GRM7: variants seen among roughly 807,000 people sequenced by gnomAD.
The protein encoded by GRM7 is glutamate metabotropic receptor 7.
GRM7 carries 35 observed loss-of-function variants against 84.5 expected under a neutral mutation model. The ratio of observed to expected loss-of-function variants is 0.41; its 90% confidence interval spans 0.32 to 0.55. The LOEUF is 0.55. GRM7 is among the 20% of genes least tolerant of loss of function. The pLI is 0.19. For synonymous variants in GRM7, 487 were observed against 455.1 expected, an observed-to-expected ratio of 1.07 and a Z score of -0.89; for missense variants, 1,003 against 1,194.6, an observed-to-expected ratio of 0.84 and a Z score of 2.36.
At chr3:6,937,337 T>C (rs1697728259) in intron 1 of GRM7, among the ~76,000 whole-genome samples, 1 of 152,180 alleles carries the variant, frequency 6.6e-6, no homozygotes, top group African/African-American at 2.4e-5. Context: ...AGCAAGTGCT[T>C]TGAGAAAGAA....
intron 1 of GRM7, among the ~76,000 whole-genome samples, chr3:7,106,254 C>T (rs1173423067): frequency 6.9e-6 from 1 of 145,070 alleles, no homozygotes; most frequent in Non-Finnish European, 1.5e-5. Context: ...GGAACAACTT[C>T]AATAAAGCAA....
chr3:7,029,308 A>C, intron 1 of GRM7, among the ~76,000 whole-genome samples: 1 of 110,274 alleles, frequency 9.1e-6, no homozygotes, highest in East Asian at 2.6e-4. Flanking sequence ...CCTCAAAAAA[A>C]AAAAAACAAA....
At chr3:7,495,746 C>T (rs1362655642) in intron 7 of GRM7, among the ~76,000 whole-genome samples, 4 of 152,190 alleles carry the variant, frequency 2.6e-5, no homozygotes, top group African/African-American at 9.6e-5. Context: ...CCTTGAACGT[C>T]TTCTGTTGCT....
chr3:7,064,517 T>TACACATATATATATATATAC (rs1559415578), intron 1 of GRM7, among the ~76,000 whole-genome samples: 11 of 111,868 alleles, frequency 9.8e-5, no homozygotes, highest in Admixed American at 4.7e-4. Flanking sequence ...TATATATATA[T>TACACATATATATATATATAC]ACACACACAC....
intron 1 of GRM7, among the ~76,000 whole-genome samples, chr3:6,904,207 A>G (rs1696489304): frequency 6.6e-6 from 1 of 152,076 alleles, no homozygotes. Flanking sequence ...TGAAATCACA[A>G]AGATATTTGT....
intron 9 of GRM7, among the ~76,000 whole-genome samples, chr3:7,696,061 G>C (rs75493174): frequency 6.6e-6 from 1 of 152,102 alleles, no homozygotes; most frequent in Non-Finnish European, 1.5e-5. Context: ...AAATTAAATA[G>C]CACTGAGCCA....
intron 1 of GRM7, among the ~76,000 whole-genome samples, chr3:6,901,302 TAAG>T (rs1696371407): frequency 6.6e-6 from 1 of 152,116 alleles, no homozygotes; most frequent in East Asian, 1.9e-4. Context: ...AGTTTAGCAA[TAAG>T]AAGATTTATG....
intron 4 of GRM7, among the ~76,000 whole-genome samples, chr3:7,344,885 C>A (rs1025259229): frequency 1.3e-5 from 2 of 152,026 alleles, no homozygotes; most frequent in Non-Finnish European, 1.5e-5. Flanking sequence ...GTTAACAATT[C>A]ATTGTATATT....
intron 2 of GRM7, among the ~76,000 whole-genome samples, chr3:7,212,263 T>C (rs1696456710): frequency 6.6e-6 from 1 of 151,842 alleles, no homozygotes; most frequent in Non-Finnish European, 1.5e-5. Flanking sequence ...CATTTCTGCC[T>C]AATGGTAAGG....
At chr3:7,035,810 C>T (rs1479520758) in intron 1 of GRM7, among the ~76,000 whole-genome samples, 1 of 152,188 alleles carries the variant, frequency 6.6e-6, no homozygotes, top group Admixed American at 6.5e-5. Flanking sequence ...GTTACCTTCC[C>T]TTCTCAGCCC....
chr3:7,706,292 T>A (rs1408839672), intron 9 of GRM7, among the ~76,000 whole-genome samples: 1 of 152,196 alleles, frequency 6.6e-6, no homozygotes, highest in Non-Finnish European at 1.5e-5. Context: ...AGGCCAATTA[T>A]TTTGAGATCT....
At chr3:7,305,695 T>G (rs988295666) in intron 3 of GRM7, among the ~76,000 whole-genome samples, 5 of 152,168 alleles carry the variant, frequency 3.3e-5, no homozygotes, top group African/African-American at 1.2e-4. Flanking sequence ...GAACTGGCCT[T>G]TGTCAGCTTA....
chr3:7,682,038 CA>C (rs1700388264), intron 9 of GRM7: 1 of 152,056 alleles, frequency 6.6e-6, no homozygotes, highest in African/African-American at 2.4e-5. Flanking sequence ...ACTCAATCCT[CA>C]AAAGAAGAAT....
chr3:7,413,357 T>C (rs1427985177), intron 4 of GRM7, among the ~76,000 whole-genome samples: 1 of 152,188 alleles, frequency 6.6e-6, no homozygotes, highest in African/African-American at 2.4e-5. Context: ...GACAATTTTA[T>C]TCCTTGTGAG....
chr3:7,351,356 A>AAAAC (rs1693136170), intron 4 of GRM7, among the ~76,000 whole-genome samples: 1 of 150,826 alleles, frequency 6.6e-6, no homozygotes, highest in Non-Finnish European at 1.5e-5. Flanking sequence ...AAAAAAAAAA[A>AAAAC]AAAAAAACAA....
chr3:7,009,795 A>G (rs1359565585), intron 1 of GRM7, among the ~76,000 whole-genome samples: 2 of 152,214 alleles, frequency 1.3e-5, no homozygotes, highest in African/African-American at 4.8e-5. Flanking sequence ...AGGGTCCATT[A>G]GCCTCCAGGG....
At chr3:6,938,458 G>A (rs568196075) in intron 1 of GRM7, among the ~76,000 whole-genome samples, 7 of 152,212 alleles carry the variant, frequency 4.6e-5, no homozygotes, top group South Asian at 4.1e-4. Flanking sequence ...GCTACAGTCC[G>A]GTAAAATTGA....
At chr3:7,415,864 C>T (rs564625984) in intron 5 of GRM7, among the ~76,000 whole-genome samples, 1 of 151,962 alleles carries the variant, frequency 6.6e-6, no homozygotes, top group Non-Finnish European at 1.5e-5. Context: ...AGTGATCTCA[C>T]GAACGAATTC....
chr3:7,262,543 T>C (rs894857003), intron 2 of GRM7, among the ~76,000 whole-genome samples: 23 of 152,226 alleles, frequency 1.5e-4, no homozygotes, highest in African/African-American at 5.3e-4. Context: ...TGAGTTTCAG[T>C]GTTCTCCTGA....
Sources: allele counts gnomAD v4.1 joint callset (sites outside exome capture counted in the v4.1 genomes callset), GRCh38; gene constraint gnomAD v4.1.1; transcripts MANE v1.5; gene names NCBI Gene and HGNC (gene_info 2026-07-23, HGNC 2026-07-21).